The following PHF20 variants were observed in gnomAD, a reference collection of about 807,000 sequenced individuals.
The protein encoded by PHF20 is PHD finger protein 20.
In PHF20, 23 loss-of-function variants were observed where a neutral mutation model predicts 113.5. The ratio of observed to expected loss-of-function variants is 0.20; its 90% CI spans 0.15 to 0.29. The LOEUF (loss-of-function observed/expected upper bound fraction) is 0.29, where lower values mean the gene tolerates loss of function less well. Among genes scored for constraint, PHF20 ranks in the 10% least tolerant of loss-of-function variants. The pLI, the probability that PHF20 is intolerant of heterozygous loss-of-function variation, is 1.00. For missense variants in PHF20, 943 were observed against 1,219.6 expected (o/e 0.77, Z 3.38); for synonymous variants, 434 against 457.3 (o/e 0.95, Z 0.65).
intron 1 of PHF20, among the ~76,000 whole-genome samples, chr20:35,776,025 G>T (rs1203857865): frequency 1.3e-5 from 2 of 152,150 alleles, no homozygotes; most frequent in African/African-American, 4.8e-5. Context: ...GCCCAGGTTG[G>T]TCTTGAACTT....
intron 9 of PHF20, among the ~76,000 whole-genome samples, chr20:35,882,894 G>A (rs1363202543): frequency 2.6e-5 from 4 of 152,014 alleles, no homozygotes; most frequent in Non-Finnish European, 5.9e-5. Flanking sequence ...CAGGTGCGGT[G>A]GTGTGTGCCT....
chr20:35,931,361 C>T lies in PHF20; in HGVS notation c.2217C>T (p.Ile739=), dbSNP rs147498022. 9.5e-5 allele frequency: 153 copies of T among 1,613,918 alleles called. No individual in the cohort carries two copies. The African/African-American group carries it at 1.4e-3, about 15-fold the overall frequency. ...ENYSHQNAKK[I]VATHQLLGDV... ...ACTCCCATCAGAATGCCAAGAAGAT[C>T]GTGGCCACCCACCAGCTTCTTGGTG... Residue 739 remains isoleucine (I), a synonymous_variant, in exon 15 of 18, where the codon ATC becomes ATT. Coordinates refer to ENST00000374012, the MANE Select transcript of PHF20 (RefSeq NM_016436.5).
At chr20:35,786,874 G>A (rs2041429118) in intron 1 of PHF20, among the ~76,000 whole-genome samples, 1 of 152,128 alleles carries the variant, frequency 6.6e-6, no homozygotes, top group East Asian at 1.9e-4. Flanking sequence ...TGCACGCAAG[G>A]AGTAATAATA....
intron 10 of PHF20, among the ~76,000 whole-genome samples, chr20:35,903,488 GCA>G (rs1471400650): frequency 6.6e-6 from 1 of 152,084 alleles, no homozygotes; most frequent in Non-Finnish European, 1.5e-5. Flanking sequence ...CTCAGTGAGG[GCA>G]CAGTCTGATC....
chr20:35,890,811 G>A (rs886595495), intron 9 of PHF20, among the ~76,000 whole-genome samples: 2 of 152,124 alleles, frequency 1.3e-5, no homozygotes, highest in Admixed American at 6.6e-5. Flanking sequence ...TGAACCCGGA[G>A]GTGGAGGTTG....
intron 1 of PHF20, among the ~76,000 whole-genome samples, chr20:35,781,203 A>G (rs564816682): frequency 1.7e-4 from 24 of 141,746 alleles, no homozygotes; most frequent in African/African-American, 6.4e-4. Flanking sequence ...AAGTGCAGTG[A>G]CACGATCTTG....
At chr20:35,927,631 C>A in intron 13 of PHF20, 149 bp from the exon 14 acceptor site, 1 of 647,620 alleles carries the variant, frequency 1.5e-6, no homozygotes. Context: ...TGTGTGGCAG[C>A]AGCTCAGTTC....
chr20:35,773,452 T>C (rs1216919499), intron 1 of PHF20, among the ~76,000 whole-genome samples: 1 of 152,176 alleles, frequency 6.6e-6, no homozygotes, highest in Admixed American at 6.6e-5. Flanking sequence ...ACGGCACTTT[T>C]CTCTGTGCTT....
intron 3 of PHF20, among the ~76,000 whole-genome samples, chr20:35,845,990 C>T (rs1440099177): frequency 6.6e-6 from 1 of 151,756 alleles, no homozygotes; most frequent in Non-Finnish European, 1.5e-5. Context: ...TGGCCAGACT[C>T]CTGGCCTCAG....
chr20:35,832,864 A>G (rs2042378074), intron 2 of PHF20, among the ~76,000 whole-genome samples: 1 of 152,118 alleles, frequency 6.6e-6, no homozygotes. Flanking sequence ...CCTGGCCAAC[A>G]TAGTGAAACC....
intron 9 of PHF20, among the ~76,000 whole-genome samples, chr20:35,881,913 T>A (rs1231366223): frequency 6.6e-6 from 1 of 152,258 alleles, no homozygotes; most frequent in Non-Finnish European, 1.5e-5. Context: ...CTATTGATTC[T>A]GCTGCAGCCA....
At chr20:35,849,245 C>T (rs2042675886) in intron 4 of PHF20, 3 of 334,342 alleles carry the variant, frequency 9.0e-6, no homozygotes, top group Non-Finnish European at 1.8e-5. Flanking sequence ...TTTGTAGGAG[C>T]TCAGATCTAT....
chr20:35,895,490 C>T (rs2054961748), intron 9 of PHF20, among the ~76,000 whole-genome samples: 1 of 152,026 alleles, frequency 6.6e-6, no homozygotes, highest in East Asian at 1.9e-4. Context: ...TACAAAATGG[C>T]AAGTTTATAT....
chr20:35,839,165 C>T (rs912126264), intron 2 of PHF20, among the ~76,000 whole-genome samples: 3 of 151,598 alleles, frequency 2.0e-5, no homozygotes, highest in Non-Finnish European at 4.4e-5. Context: ...CCGAGGGGGG[C>T]GGATCACGAG....
intron 9 of PHF20, among the ~76,000 whole-genome samples, chr20:35,892,047 T>G (rs1315177626): frequency 1.3e-5 from 2 of 148,610 alleles, no homozygotes; most frequent in East Asian, 3.9e-4. Context: ...TTTTTTTTGT[T>G]TTTTTTTGTT....
intron 2 of PHF20, among the ~76,000 whole-genome samples, chr20:35,808,736 C>G (rs918396499): frequency 2.0e-5 from 3 of 151,608 alleles, no homozygotes; most frequent in Admixed American, 6.6e-5. Flanking sequence ...CCACGCCTGG[C>G]TAATTTTTTC....
chr20:35,867,734 G>A (rs1300864107), intron 6 of PHF20, among the ~76,000 whole-genome samples: 1 of 152,046 alleles, frequency 6.6e-6, no homozygotes, highest in East Asian at 1.9e-4. Flanking sequence ...CCATTTGACC[G>A]ACCTGAAGCT....
At chr20:35,885,449 G>A (rs1448302440) in intron 9 of PHF20, among the ~76,000 whole-genome samples, 2 of 144,104 alleles carry the variant, frequency 1.4e-5, no homozygotes, top group Non-Finnish European at 3.0e-5. Flanking sequence ...TTACTGGAGT[G>A]GGGGACAGGG....
intron 17 of PHF20, among the ~76,000 whole-genome samples, chr20:35,945,493 A>C (rs1246751496): frequency 1.3e-5 from 2 of 152,194 alleles, no homozygotes; most frequent in African/African-American, 4.8e-5. Context: ...GGATTTAGAA[A>C]GGTGGAGAGG....
Sources: gnomAD v4.1 joint callset for allele counts (sites outside exome capture counted in the v4.1 genomes callset) on GRCh38, gnomAD v4.1.1 for gene constraint, MANE v1.5 for transcripts, NCBI Gene and HGNC (gene_info 2026-07-23, HGNC 2026-07-21) for gene names.